The following RBFOX1 variants were observed in gnomAD, a reference collection of about 807,000 sequenced individuals.
RBFOX1 encodes RNA binding fox-1 homolog 1, also known as RNA binding protein fox-1 homolog 1.
A neutral mutation model predicts 57.7 loss-of-function variants in RBFOX1; 8 were observed. That is an observed-to-expected ratio of 0.14 (90% CI 0.08 to 0.25). RBFOX1 has a LOEUF of 0.25. Among genes scored for constraint, RBFOX1 ranks in the 10% least tolerant of loss-of-function variants. RBFOX1 has a pLI of 1.00. For synonymous variants in RBFOX1, 326 were observed against 222.4 expected (o/e 1.47, Z -4.15); for missense variants, 611 against 548.5 (o/e 1.11, Z -1.14).
chr16:6,203,240 A>T (rs2097228008), intron 1 of RBFOX1, among the ~76,000 whole-genome samples: 1 of 152,060 alleles, frequency 6.6e-6, no homozygotes. Context: ...TTTGACTGAC[A>T]CTTCTGTACT....
chr16:6,777,422 AAACC>A (rs1161609694), intron 3 of RBFOX1, among the ~76,000 whole-genome samples: 4 of 152,182 alleles, frequency 2.6e-5, no homozygotes, highest in Admixed American at 6.5e-5. Flanking sequence ...AGGGACAAAG[AAACC>A]AACCAAATAA....
intron 4 of RBFOX1, among the ~76,000 whole-genome samples, chr16:5,952,885 A>G (rs1438393904): frequency 6.6e-6 from 1 of 152,172 alleles, no homozygotes; most frequent in East Asian, 1.9e-4. Flanking sequence ...GCCTCTGAAA[A>G]TTATGTTTCA....
chr16:6,163,216 A>C (rs781710532), intron 1 of RBFOX1, among the ~76,000 whole-genome samples: 1 of 152,220 alleles, frequency 6.6e-6, no homozygotes, highest in Non-Finnish European at 1.5e-5. Flanking sequence ...GGATAAGGCC[A>C]AGGGGACTCA....
At chr16:5,644,608 C>G (rs756224745) in intron 3 of RBFOX1, among the ~76,000 whole-genome samples, 4 of 152,158 alleles carry the variant, frequency 2.6e-5, no homozygotes, top group Non-Finnish European at 4.4e-5. Flanking sequence ...CTGGGAGACA[C>G]AAGGTTGGCA....
At chr16:6,665,787 A>G (rs1216522555) in intron 3 of RBFOX1, among the ~76,000 whole-genome samples, 1 of 152,170 alleles carries the variant, frequency 6.6e-6, no homozygotes, top group Non-Finnish European at 1.5e-5. Context: ...TGCATATTCT[A>G]TTATTGAATC....
chr16:6,603,220 G>A (rs1382982684), intron 2 of RBFOX1, among the ~76,000 whole-genome samples: 1 of 152,096 alleles, frequency 6.6e-6, no homozygotes, highest in Non-Finnish European at 1.5e-5. Flanking sequence ...TTGTCTCAGG[G>A]CCAAGTATAT....
At chr16:5,514,582 C>T (rs566645125) in intron 2 of RBFOX1, among the ~76,000 whole-genome samples, 65 of 152,270 alleles carry the variant, frequency 4.3e-4, no homozygotes, top group African/African-American at 1.5e-3. Context: ...GCCATTCACA[C>T]TGTCAGCCTG....
chr16:6,570,629 A>G (rs561999910), intron 2 of RBFOX1, among the ~76,000 whole-genome samples: 1 of 152,362 alleles, frequency 6.6e-6, no homozygotes, highest in South Asian at 2.1e-4. Context: ...CAGCATATAA[A>G]GACAAAGCAC....
At chr16:7,090,902 C>G (rs2060732020) in intron 4 of RBFOX1, among the ~76,000 whole-genome samples, 1 of 143,142 alleles carries the variant, frequency 7.0e-6, no homozygotes, top group Non-Finnish European at 1.6e-5. Flanking sequence ...CCTTGACCAG[C>G]ACAAACTCCT....
At chr16:6,674,230 T>C (rs1227461369) in intron 3 of RBFOX1, among the ~76,000 whole-genome samples, 2 of 152,192 alleles carry the variant, frequency 1.3e-5, no homozygotes, top group East Asian at 1.9e-4. Flanking sequence ...TATTTAGAGA[T>C]AGGGTCTTTG....
intron 4 of RBFOX1, among the ~76,000 whole-genome samples, chr16:7,076,130 C>A (rs529677583): frequency 6.6e-6 from 1 of 151,772 alleles, no homozygotes; most frequent in Non-Finnish European, 1.5e-5. Flanking sequence ...CAACCTCTGC[C>A]TCCCGGGTTC....
chr16:7,641,759 A>T (rs1252004196), intron 11 of RBFOX1, among the ~76,000 whole-genome samples: 1 of 152,202 alleles, frequency 6.6e-6, no homozygotes, highest in Non-Finnish European at 1.5e-5. Context: ...AAAGTCTGGG[A>T]GTAAACTGTC....
At position 7,711,005 on chromosome 16, in the gene RBFOX1, G is replaced by C. The variant is rs2083926004; in HGVS notation, c.*260G>C. The C allele has an allele frequency of 2.8e-6, 1 of 352,966 alleles. No individual in the cohort carries two copies. Among genetic ancestry groups the C allele is most frequent in the Admixed American group, 4.7e-5 (1 of 21,158 alleles). The allele number at this position is 352,966 out of a possible 1,614,324, so 21.9% of individuals were successfully genotyped here. On this transcript the variant is annotated 3_prime_UTR_variant, in exon 16 of 16. Coordinates refer to ENST00000550418, the MANE Select transcript of RBFOX1 (RefSeq NM_018723.4). ...GGAGTTTTTGTGGTTGATCTAGACA[G>C]ATGCTAGATAATGAATAAAAACTGG...
At chr16:5,353,393 C>A (rs1214136664) in intron 1 of RBFOX1, among the ~76,000 whole-genome samples, 2 of 150,154 alleles carry the variant, frequency 1.3e-5, no homozygotes, top group African/African-American at 4.9e-5. Flanking sequence ...AAAAAGACTT[C>A]TTTGCTATGG....
rs554612167 is a variant in RBFOX1 at position 5,766,340 on chromosome 16, G to A, written c.319-100963G>A. The stretch of plus-strand genomic sequence containing the variant: ...GGTGGCTCACGCCTGTAATCACAGC[G>A]CTTTGGGTAGCTGAGGTGGGTGGAT... On this transcript the variant is annotated intron_variant, in intron 3 of 19. Coordinates refer to the RBFOX1 transcript ENST00000641259. 5.9e-5 allele frequency among the ~76,000 whole-genome samples: 9 copies of A among 152,134 alleles called. No individual in the cohort carries two copies. In the East Asian group the frequency reaches 7.8e-4, roughly 13 times the overall value.
intron 2 of RBFOX1, among the ~76,000 whole-genome samples, chr16:5,534,395 G>T (rs1194248045): frequency 1.3e-5 from 2 of 152,146 alleles, no homozygotes; most frequent in Non-Finnish European, 2.9e-5. Flanking sequence ...GCCAATAGTG[G>T]CTCAGTCCGA....
intron 1 of RBFOX1, among the ~76,000 whole-genome samples, chr16:6,059,609 C>T (rs9940556): frequency 6.6e-6 from 1 of 152,038 alleles, no homozygotes; most frequent in Non-Finnish European, 1.5e-5. Flanking sequence ...AATGGGTTCT[C>T]TGAGTAAATA....
intron 1 of RBFOX1, among the ~76,000 whole-genome samples, chr16:6,243,140 G>GTGTGTGTT (rs2097549030): frequency 6.6e-6 from 1 of 151,048 alleles, no homozygotes; most frequent in Non-Finnish European, 1.5e-5. Flanking sequence ...ATTTATACGT[G>GTGTGTGTT]TGTCTGTGTG....
intron 1 of RBFOX1, among the ~76,000 whole-genome samples, chr16:5,400,557 A>T (rs1240058384): frequency 1.3e-5 from 2 of 152,202 alleles, no homozygotes; most frequent in Admixed American, 1.3e-4. Flanking sequence ...TCTTGAACAT[A>T]TTCCCTTCTC....
Sources: gnomAD v4.1 joint callset for allele counts (sites outside exome capture counted in the v4.1 genomes callset) on GRCh38, gnomAD v4.1.1 for gene constraint, MANE v1.5 for transcripts, NCBI Gene and HGNC (gene_info 2026-07-23, HGNC 2026-07-21) for gene names.